The following KNSTRN variants were observed in gnomAD, a reference collection of about 807,000 sequenced individuals.
KNSTRN encodes small kinetochore-associated protein.
In KNSTRN, 38 loss-of-function variants were observed where a neutral mutation model predicts 44.7. The observed-to-expected ratio is 0.85, with a 90% confidence interval of 0.66 to 1.11. KNSTRN has a LOEUF of 1.11. Among genes scored for constraint, KNSTRN ranks in the 50% most tolerant of loss-of-function variants. KNSTRN has a pLI of 0.00. For synonymous variants in KNSTRN, 158 were observed against 148.1 expected, an observed-to-expected ratio of 1.07 and a Z score of -0.48; for missense variants, 406 against 375.8, an observed-to-expected ratio of 1.08 and a Z score of -0.66.
At chr15:40,384,186 A>G (rs767354451) in intron 2 of KNSTRN, 10 of 266,132 alleles carry the variant, frequency 3.8e-5, no homozygotes, top group Non-Finnish European at 7.5e-5. Flanking sequence ...ATCCTGGCTA[A>G]CACGGTGAAG....
intron 3 of KNSTRN, 52 bp downstream of exon 3, chr15:40,386,546 A>T (rs749553907): frequency 1.3e-6 from 2 of 1,583,356 alleles, no homozygotes; most frequent in South Asian, 2.3e-5. Context: ...GAAATTGCTC[A>T]ATACAAAGAA....
At position 40,392,561 on chromosome 15, in the gene KNSTRN, A is replaced by G. The variant is rs558343340; in HGVS notation, c.822+538A>G. 6.2e-4 allele frequency among the ~76,000 whole-genome samples: 94 copies of G among 152,324 alleles called. 1 individual carries two copies. The highest frequency in any genetic ancestry group is 2.2e-3 in the African/African-American group (93 of 41,576). ...TTAGAAAATAGCCAGGCGTGGTGGTACATACCTGTAGTCCCAGCTGCTCAG... is the reference window on the plus strand; with the variant it reads ...TTAGAAAATAGCCAGGCGTGGTGGTGCATACCTGTAGTCCCAGCTGCTCAG... On this transcript the variant is annotated intron_variant, in intron 8 of 8. Coordinates refer to ENST00000249776, the MANE Select transcript of KNSTRN (RefSeq NM_033286.4).
chr15:40,385,562 T>C (rs1889887247), intron 2 of KNSTRN, among the ~76,000 whole-genome samples: 1 of 152,220 alleles, frequency 6.6e-6, no homozygotes, highest in Admixed American at 6.5e-5. Flanking sequence ...ATTGAACCCC[T>C]GTTCATATGC....
intron 4 of KNSTRN, among the ~76,000 whole-genome samples, chr15:40,388,187 C>G (rs551057677): frequency 1.3e-4 from 20 of 152,188 alleles, no homozygotes; most frequent in Non-Finnish European, 2.4e-4. Flanking sequence ...AATCAGGGGT[C>G]TCACAGCCTT....
At chr15:40,385,659 A>T (rs1248436889) in intron 2 of KNSTRN, among the ~76,000 whole-genome samples, 1 of 152,222 alleles carries the variant, frequency 6.6e-6, no homozygotes, top group East Asian at 1.9e-4. Context: ...GTAACGGTTT[A>T]AAAAAACTCA....
Position 40,389,932 on chromosome 15 carries a change from A to C in KNSTRN, c.685+3A>C. ...GGAGAGCAAGGGCCTTGATCCAGGT[A>C]AGAGACAGCACACAGCTAGCCTCCT... On this transcript the variant is annotated splice_donor_region_variant and intron_variant, in intron 6 of 8. Coordinates refer to ENST00000249776, the MANE Select transcript of KNSTRN (RefSeq NM_033286.4). The C allele has an allele frequency of 6.2e-7, 1 of 1,612,174 alleles. No individual in the cohort carries two copies. The highest frequency in any genetic ancestry group is 8.5e-7 in the Non-Finnish European group (1 of 1,178,156).
At chr15:40,391,905 G>C in intron 7 of KNSTRN, 44 bp from the exon 8 acceptor site, 1 of 1,503,690 alleles carries the variant, frequency 6.7e-7, no homozygotes, top group Non-Finnish European at 9.2e-7. Context: ...TGCAAGTCTG[G>C]TTTTATATGA....
chr15:40,387,303 T>C, intron 4 of KNSTRN, 97 bp downstream of exon 4: 3 of 1,033,282 alleles, frequency 2.9e-6, no homozygotes, highest in Middle Eastern at 4.0e-4. Context: ...TTGTTTACTG[T>C]GTTAGGGTCT....
chr15:40,387,755 C>T (rs888505341), intron 4 of KNSTRN, among the ~76,000 whole-genome samples: 24 of 152,292 alleles, frequency 1.6e-4, no homozygotes, highest in African/African-American at 3.4e-4. Context: ...CACCTGTAAT[C>T]GCAACACTTT....
Position 40,382,789 on chromosome 15 carries a change from C to CT in KNSTRN, c.-44dup. On this transcript the variant is annotated 5_prime_UTR_variant, in exon 1 of 9. Coordinates refer to ENST00000249776, the MANE Select transcript of KNSTRN (RefSeq NM_033286.4). ...TGCCCAGACCTGGGGGCTCCAACAC[C>CT]TTTCGCTAGGTCTGGCTCTGGCCTC... 2 of 1,559,654 alleles carry CT rather than the reference C, an allele frequency of 1.3e-6. No individual in the cohort carries two copies. Among genetic ancestry groups the CT allele is most frequent in the African/African-American group, 2.7e-5 (2 of 73,678 alleles).
intron 3 of KNSTRN, 196 bp downstream of exon 3, chr15:40,386,690 A>C (rs1363537866): frequency 1.7e-6 from 1 of 592,796 alleles, no homozygotes; most frequent in Non-Finnish European, 2.9e-6. Flanking sequence ...ACACAGCCAG[A>C]GTTATAAGAG....
At chr15:40,389,453 G>T in intron 4 of KNSTRN, 53 bp from the exon 5 acceptor site, 1 of 1,364,178 alleles carries the variant, frequency 7.3e-7, no homozygotes, top group Non-Finnish European at 1.0e-6. Flanking sequence ...ACCTGGTGTG[G>T]GCCATACTGT....
At chr15:40,388,065 G>T (rs1889931490) in intron 4 of KNSTRN, among the ~76,000 whole-genome samples, 1 of 152,130 alleles carries the variant, frequency 6.6e-6, no homozygotes. Flanking sequence ...AGAACTTTAA[G>T]AAAAAACTCT....
At chr15:40,391,887 T>A in intron 7 of KNSTRN, 62 bp from the exon 8 acceptor site, 1 of 1,273,874 alleles carries the variant, frequency 7.9e-7, no homozygotes. Flanking sequence ...ATGTTAGCCA[T>A]CATCTAATGC....
At chr15:40,389,179 C>G (rs1465815289) in intron 4 of KNSTRN, 1 of 463,458 alleles carries the variant, frequency 2.2e-6, no homozygotes, top group East Asian at 6.5e-5. Context: ...GAGTTTTGCT[C>G]TTGTTGCCAC....
chr15:40,384,414 T>G, intron 2 of KNSTRN: 1 of 452,540 alleles, frequency 2.2e-6, no homozygotes, highest in Non-Finnish European at 4.4e-6. Flanking sequence ...TAGGCTTTTC[T>G]CCAAAGGCTT....
chr15:40,389,149 C>CT, intron 4 of KNSTRN: 1 of 456,920 alleles, frequency 2.2e-6, no homozygotes, highest in Non-Finnish European at 4.4e-6. Context: ...CCGTATTTTT[C>CT]TTTCTTTTTT....
chr15:40,389,352 T>C (rs1406610884), intron 4 of KNSTRN, 154 bp from the exon 5 acceptor site: 1 of 605,848 alleles, frequency 1.7e-6, no homozygotes, highest in Non-Finnish European at 3.0e-6. Flanking sequence ...GTTTCTCTTA[T>C]CTTGGTCAGG....
chr15:40,389,587 G>A lies in KNSTRN; in HGVS notation c.567G>A (p.Leu189=), dbSNP rs1889963445. The A allele has an allele frequency of 5.6e-6, 9 of 1,613,602 alleles. No individual in the cohort carries two copies. Among genetic ancestry groups the A allele is most frequent in the African/African-American group, 1.3e-5 (1 of 74,920 alleles). ...TGTTAGAAGCCGTCAACAAGCAGTT[G>A]CACCAGAAGTTGACTGAAACTCAGG... ...NQLLEAVNKQ[L]HQKLTETQGE... The change falls in exon 5 of 9, where the codon TTG becomes TTA. Residue 189 remains leucine (L), a synonymous_variant. Transcript: ENST00000249776.
Sources: gnomAD v4.1 joint callset for allele counts (sites outside exome capture counted in the v4.1 genomes callset) on GRCh38, gnomAD v4.1.1 for gene constraint, MANE v1.5 for transcripts, NCBI Gene and HGNC (gene_info 2026-07-23, HGNC 2026-07-21) for gene names.